RBFOX1: variants seen among roughly 807,000 people sequenced by gnomAD.
The protein encoded by RBFOX1 is RNA binding fox-1 homolog 1.
RBFOX1 carries 8 observed loss-of-function variants against 57.7 expected under a neutral mutation model. That is an observed-to-expected ratio of 0.14 (90% CI 0.08 to 0.25). RBFOX1 has a LOEUF of 0.25. Ranked by LOEUF, RBFOX1 falls within the 10% of genes least tolerant of loss-of-function variation. The pLI, the probability that RBFOX1 is intolerant of heterozygous loss-of-function variation, is 1.00. For synonymous variants in RBFOX1, 326 were observed against 222.4 expected (o/e 1.47, Z -4.15); for missense variants, 611 against 548.5 (o/e 1.11, Z -1.14).
intron 3 of RBFOX1, among the ~76,000 whole-genome samples, chr16:5,784,517 A>G (rs1289936700): frequency 2.0e-5 from 3 of 152,068 alleles, no homozygotes; most frequent in Admixed American, 2.0e-4. Flanking sequence ...CTTTTAAACA[A>G]CCATCTCTTG....
At chr16:7,011,580 C>T (rs1386555037) in intron 3 of RBFOX1, among the ~76,000 whole-genome samples, 2 of 152,172 alleles carry the variant, frequency 1.3e-5, no homozygotes, top group South Asian at 2.1e-4. Flanking sequence ...GTGGCATGAT[C>T]TCGGCTCACT....
intron 4 of RBFOX1, among the ~76,000 whole-genome samples, chr16:5,885,626 A>AT (rs1409321458): frequency 6.6e-6 from 1 of 152,106 alleles, no homozygotes; most frequent in Non-Finnish European, 1.5e-5. Context: ...GGAGTTGTCT[A>AT]TTCTATGTTC....
chr16:6,974,594 C>G (rs181835416), intron 3 of RBFOX1, among the ~76,000 whole-genome samples: 2 of 152,154 alleles, frequency 1.3e-5, no homozygotes, highest in Admixed American at 6.5e-5. Flanking sequence ...ATCTGCCCAC[C>G]TCGGCCTCCC....
intron 2 of RBFOX1, among the ~76,000 whole-genome samples, chr16:6,629,481 G>A (rs1346016704): frequency 5.3e-5 from 8 of 152,118 alleles, no homozygotes; most frequent in African/African-American, 1.9e-4. Context: ...GTTAAGTTGG[G>A]ATCAGCTGTC....
At chr16:6,577,710 A>G (rs1387690566) in intron 2 of RBFOX1, among the ~76,000 whole-genome samples, 1 of 152,174 alleles carries the variant, frequency 6.6e-6, no homozygotes, top group Non-Finnish European at 1.5e-5. Flanking sequence ...TCACAGTGGT[A>G]GTCAAGTGCT....
chr16:6,717,905 C>T (rs953788710), intron 3 of RBFOX1, among the ~76,000 whole-genome samples: 1 of 152,182 alleles, frequency 6.6e-6, no homozygotes, highest in Non-Finnish European at 1.5e-5. Flanking sequence ...TTCCAAGGAT[C>T]CTATACTGGG....
At chr16:7,373,122 C>T (rs1004609635) in intron 4 of RBFOX1, among the ~76,000 whole-genome samples, 4 of 152,002 alleles carry the variant, frequency 2.6e-5, no homozygotes, top group African/African-American at 7.2e-5. Context: ...TTTAGTGAGA[C>T]GGTGTTTCAC....
At chr16:5,390,747 C>T (rs965782356) in intron 1 of RBFOX1, among the ~76,000 whole-genome samples, 2 of 152,142 alleles carry the variant, frequency 1.3e-5, no homozygotes, top group Non-Finnish European at 2.9e-5. Flanking sequence ...CACATTATTC[C>T]CTGGGTCAAA....
intron 3 of RBFOX1, among the ~76,000 whole-genome samples, chr16:6,884,946 C>G (rs11864088): frequency 2.6e-5 from 4 of 152,102 alleles, no homozygotes; most frequent in Admixed American, 6.6e-5. Flanking sequence ...AGTGTTAAAT[C>G]GTAAAACTGA....
intron 1 of RBFOX1, among the ~76,000 whole-genome samples, chr16:6,023,966 G>A (rs2095135519): frequency 6.6e-6 from 1 of 152,204 alleles, no homozygotes; most frequent in South Asian, 2.1e-4. Context: ...ACTTTCAGAT[G>A]ATGTCAACTG....
intron 2 of RBFOX1, among the ~76,000 whole-genome samples, chr16:6,555,838 A>T (rs562890128): frequency 1.8e-4 from 28 of 152,334 alleles, no homozygotes; most frequent in African/African-American, 6.7e-4. Context: ...TTTTCTTACT[A>T]TGAAATGCAC....
chr16:7,497,929 C>A (rs1164592342), intron 4 of RBFOX1, among the ~76,000 whole-genome samples: 2 of 152,050 alleles, frequency 1.3e-5, no homozygotes, highest in Admixed American at 6.5e-5. Context: ...AGAAAGCTGC[C>A]CAGTATAAAT....
chr16:6,239,359 T>C lies in RBFOX1; in HGVS notation c.-126-77636T>C, dbSNP rs1424508050. ...GGACCACAGTGTCCAAGGGAGAGTATATGGTCAGTAAATGCTTGTCATATG... is the reference window on the plus strand; with the variant it reads ...GGACCACAGTGTCCAAGGGAGAGTACATGGTCAGTAAATGCTTGTCATATG... On this transcript the variant is annotated intron_variant, in intron 1 of 15. Coordinates refer to ENST00000550418, the MANE Select transcript of RBFOX1 (RefSeq NM_018723.4). Among the ~76,000 whole-genome samples, 4 of 152,076 alleles carry C rather than the reference T, an allele frequency of 2.6e-5. No homozygotes were observed. In the East Asian group the frequency reaches 7.7e-4, roughly 29 times the overall value.
chr16:6,806,817 A>AATATATAAATATATAAATAT (rs1366370826), intron 3 of RBFOX1, among the ~76,000 whole-genome samples: 16 of 85,118 alleles, frequency 1.9e-4, no homozygotes, highest in African/African-American at 6.6e-4. Context: ...TAAATATATA[A>AATATATAAATATATAAATAT]ATATATATAT....
At chr16:5,628,118 A>G (rs1381883861) in intron 3 of RBFOX1, among the ~76,000 whole-genome samples, 2 of 152,182 alleles carry the variant, frequency 1.3e-5, no homozygotes, top group African/African-American at 4.8e-5. Flanking sequence ...AAAATGTTGT[A>G]CAGTTAGAGT....
chr16:5,264,652 C>T (rs868240580), intron 1 of RBFOX1, among the ~76,000 whole-genome samples: 1 of 152,118 alleles, frequency 6.6e-6, no homozygotes, highest in African/African-American at 2.4e-5. Context: ...ATCCAATTCT[C>T]CTGTCTTCAT....
chr16:6,495,300 G>A (rs182880210), intron 2 of RBFOX1, among the ~76,000 whole-genome samples: 6 of 152,112 alleles, frequency 3.9e-5, no homozygotes, highest in African/African-American at 1.4e-4. Context: ...TGTATTCTTA[G>A]TAGAGATGGG....
Position 5,674,502 on chromosome 16 carries a change from T to A in RBFOX1, c.318+75541T>A, listed in dbSNP as rs545632076. Among the ~76,000 whole-genome samples, 3 of 152,276 alleles carry A rather than the reference T, an allele frequency of 2.0e-5. No individual in the cohort carries two copies. In the East Asian group the frequency reaches 5.8e-4, roughly 29 times the overall value. On this transcript the variant is annotated intron_variant, in intron 3 of 19. Transcript: ENST00000641259. ...GAATCTATGGGACTCTTCTCTCACA[T>A]ATCAGAAAGTCTTGACAAAGGAACT...
intron 3 of RBFOX1, among the ~76,000 whole-genome samples, chr16:5,771,720 A>T (rs899230049): frequency 6.6e-6 from 1 of 152,092 alleles, no homozygotes; most frequent in Non-Finnish European, 1.5e-5. Flanking sequence ...AAAGCATCTC[A>T]TTTTGGTATC....
Sources: gnomAD v4.1 joint callset for allele counts (sites outside exome capture counted in the v4.1 genomes callset) on GRCh38, gnomAD v4.1.1 for gene constraint, MANE v1.5 for transcripts, NCBI Gene and HGNC (gene_info 2026-07-23, HGNC 2026-07-21) for gene names.